Variants in MYO7A observed in about 807,000 individuals in gnomAD.
The protein encoded by MYO7A is unconventional myosin-VIIa.
Under a neutral mutation model 263.8 loss-of-function variants are expected in MYO7A, and 210 were observed. The observed-to-expected ratio is 0.80, with a 90% CI of 0.71 to 0.89. The LOEUF is 0.89. Among genes scored for constraint, MYO7A ranks in the 40% least tolerant of loss-of-function variants. The probability of loss-of-function intolerance (pLI) is 0.00; values close to 1 mark genes in which losing one functional copy is unlikely to be tolerated. For missense variants in MYO7A, 2,820 were observed against 2,968.3 expected, an observed-to-expected ratio of 0.95 and a Z score of 1.16; for synonymous variants, 1,239 against 1,197.3, an observed-to-expected ratio of 1.03 and a Z score of -0.72.
intron 2 of MYO7A, among the ~76,000 whole-genome samples, chr11:77,131,003 C>T (rs1461592978): frequency 6.6e-6 from 1 of 152,196 alleles, no homozygotes; most frequent in Admixed American, 6.5e-5. Flanking sequence ...CAGGAAGGGC[C>T]CTGAGCCCAA....
At chr11:77,177,464 G>A in intron 18 of MYO7A, 85 bp from the exon 19 acceptor site, 2 of 1,096,268 alleles carry the variant, frequency 1.8e-6, no homozygotes, top group South Asian at 2.7e-5. Context: ...TGCTCCCAGT[G>A]AAGGAAGAGC....
At chr11:77,199,881 A>G in intron 35 of MYO7A, 63 bp downstream of exon 35, 1 of 1,432,050 alleles carries the variant, frequency 7.0e-7, no homozygotes, top group Non-Finnish European at 9.4e-7. Context: ...AGACTGTCTT[A>G]GTCCATTTGT....
rs1555085481 is a variant in MYO7A at position 77,182,491 on chromosome 11, C to G, written c.3176C>G (p.Thr1059Arg). 6.2e-7 allele frequency: 1 copy of G among 1,611,252 alleles called. No homozygotes were observed. Among genetic ancestry groups the G allele is most frequent in the Non-Finnish European group, 8.5e-7 (1 of 1,179,864 alleles). Residue 1059 changes from threonine to arginine, a missense_variant, in exon 25 of 49, where the codon ACA becomes AGA. Coordinates refer to ENST00000409709, the MANE Select transcript of MYO7A (RefSeq NM_000260.4). ...GACCTCCCTGAGCCCAAGTACCACA[C>G]AGCCATGAGTGATGGCAGTGAGAAG... ...MGDLPEPKYH[T>R]AMSDGSEKIP... is the part of the protein sequence containing the mutation.
Position 77,179,869 on chromosome 11 carries a change from C to T in MYO7A, c.2502C>T (p.Arg834=). Residue 834 remains arginine, a synonymous_variant, in exon 21 of 49, where the codon CGC becomes CGT. Transcript: ENST00000409709. The stretch of plus-strand genomic sequence containing the variant: ...CCTATCTGGTGCGCAAGGCCTTCCG[C>T]CACCGCCTCTGGGCTGTGCTCACCG... ...CRAYLVRKAF[R]HRLWAVLTVQ... The T allele has an allele frequency of 6.5e-7, 1 of 1,541,284 alleles. No homozygotes were observed. The highest frequency in any genetic ancestry group is 8.7e-7 in the Non-Finnish European group (1 of 1,146,784).
chr11:77,179,896 G>C lies in MYO7A; in HGVS notation c.2529G>C (p.Val843=). 1 of 1,539,296 alleles carries C rather than the reference G, an allele frequency of 6.5e-7. No individual in the cohort carries two copies. Among genetic ancestry groups the C allele is most frequent in the Non-Finnish European group, 8.7e-7 (1 of 1,146,176 alleles). ...FRHRLWAVLT[V]QAYARGMIAR... ...ACCGCCTCTGGGCTGTGCTCACCGT[G>C]CAGGCCTATGCCCGGGGCATGATCG... The change falls in exon 21 of 49, where the codon GTG becomes GTC. Residue 843 remains valine (V), a synonymous_variant. Transcript: ENST00000409709.
chr11:77,157,785 G>A (rs1952635095), intron 8 of MYO7A, among the ~76,000 whole-genome samples: 1 of 152,152 alleles, frequency 6.6e-6, no homozygotes, highest in Admixed American at 6.5e-5. Flanking sequence ...TTCTGTAGCT[G>A]GCTGGCACAC....
At position 77,204,058 on chromosome 11, in the gene MYO7A, T is replaced by G. The variant is rs1263092533; in HGVS notation, c.5327-18T>G. The G allele has an allele frequency of 1.3e-6, 2 of 1,590,584 alleles. No homozygotes were observed. The highest frequency in any genetic ancestry group is 2.3e-5 in the South Asian group (2 of 86,972). On this transcript the variant is annotated intron_variant, in intron 38 of 48. Transcript: ENST00000409709. ...TGCTCCCTCTATTCGGCACAAGCCCTTCCTTGACAGTCCCCAGCTGTGCTC... is the reference window on the plus strand; with the variant it reads ...TGCTCCCTCTATTCGGCACAAGCCCGTCCTTGACAGTCCCCAGCTGTGCTC...
intron 15 of MYO7A, among the ~76,000 whole-genome samples, chr11:77,171,218 T>C (rs1954055665): frequency 2.0e-5 from 3 of 152,212 alleles, no homozygotes; most frequent in Non-Finnish European, 2.9e-5. Context: ...GTGGCGTGTG[T>C]ATGTGCATGC....
chr11:77,132,350 C>A (rs1950789720), intron 2 of MYO7A, among the ~76,000 whole-genome samples: 1 of 151,794 alleles, frequency 6.6e-6, no homozygotes. Context: ...AGGGAAGGAA[C>A]TGGCAGGAAG....
chr11:77,144,337 C>T (rs1301142301), intron 3 of MYO7A, among the ~76,000 whole-genome samples: 1 of 152,160 alleles, frequency 6.6e-6, no homozygotes, highest in Non-Finnish European at 1.5e-5. Flanking sequence ...CTGCCCAGAG[C>T]CCCCAGGGTG....
Position 77,190,745 on chromosome 11 carries a change from G to A in MYO7A, c.3799G>A (p.Gly1267Arg), listed in dbSNP as rs746415490. ...CATGTTGCCCGTGACATTCATGGAT[G>A]GGACCACCAAGACCCTGCTGACGGA... The part of the protein sequence containing the change: ...PIMLPVTFMD[G>R]TTKTLLTDSA... Residue 1267 changes from glycine (G) to arginine (R), a missense_variant, in exon 30 of 49, where the codon GGG becomes AGG. By Grantham distance (125) the Gly-to-Arg change is moderately radical. Coordinates refer to ENST00000409709, the MANE Select transcript of MYO7A (RefSeq NM_000260.4). 6.3e-7 allele frequency: 1 copy of A among 1,599,974 alleles called. No individual in the cohort carries two copies. Among genetic ancestry groups the A allele is most frequent in the East Asian group, 2.3e-5 (1 of 44,276 alleles).
At chr11:77,148,745 T>A (rs1555055540) in intron 4 of MYO7A, among the ~76,000 whole-genome samples, 1 of 152,226 alleles carries the variant, frequency 6.6e-6, no homozygotes, top group Non-Finnish European at 1.5e-5. Context: ...TTTGAAAAAG[T>A]AACCATAATA....
chr11:77,213,687 C>G (rs1958002810), intron 47 of MYO7A, among the ~76,000 whole-genome samples, 173 bp from the exon 48 acceptor site: 1 of 152,198 alleles, frequency 6.6e-6, no homozygotes, highest in South Asian at 2.1e-4. Flanking sequence ...GTGTCCAAAC[C>G]AAGGTGTGGA....
Position 77,192,256 on chromosome 11 carries a change from T to C in MYO7A, c.4130T>C (p.Phe1377Ser), listed in dbSNP as rs777168937. 1.8e-5 allele frequency: 29 copies of C among 1,613,836 alleles called. No homozygotes were observed. The African/African-American group carries it at 3.2e-4, about 18-fold the overall frequency. ...IYQQVVRGVKFGEYRCEKEDD... is the reference protein window; with the variant it reads ...IYQQVVRGVKSGEYRCEKEDD... ...CAGCAGGTGGTGCGAGGAGTCAAGT[T>C]TGGGGAGTACAGGTGTGAGAAGGTG... The change falls in exon 31 of 49, where the codon TTT becomes TCT. Residue 1377 changes from phenylalanine to serine, a missense_variant. Phe to Ser is a radical substitution (Grantham distance 155). Coordinates refer to ENST00000409709, the MANE Select transcript of MYO7A (RefSeq NM_000260.4).
rs1323137607 is a variant in MYO7A at position 77,202,284 on chromosome 11, G to C, written c.5044-16G>C. On this transcript the variant is annotated splice_polypyrimidine_tract_variant and intron_variant, in intron 36 of 48. Transcript: ENST00000409709. ...GGTAGAGAGCTGACCTGAGCCCCCT[G>C]TCTCTTGGTCCCTAGGCCCTGGTCA... 1.3e-6 allele frequency: 2 copies of C among 1,575,134 alleles called. No individual in the cohort carries two copies. Among genetic ancestry groups the C allele is most frequent in the South Asian group, 1.2e-5 (1 of 85,526 alleles).
intron 12 of MYO7A, among the ~76,000 whole-genome samples, chr11:77,161,348 T>C (rs1250487048): frequency 3.9e-5 from 6 of 152,066 alleles, no homozygotes; most frequent in African/African-American, 1.4e-4. Flanking sequence ...TCCTGAACAC[T>C]TGGGGAGGAA....
chr11:77,167,899 GT>G (rs1953705897), intron 15 of MYO7A, among the ~76,000 whole-genome samples: 1 of 152,172 alleles, frequency 6.6e-6, no homozygotes, highest in Admixed American at 6.5e-5. Flanking sequence ...GACCAACACT[GT>G]AGGCTGGCCG....
intron 2 of MYO7A, among the ~76,000 whole-genome samples, chr11:77,140,549 G>A (rs112866525): frequency 1.0e-3 from 153 of 152,296 alleles, no homozygotes; most frequent in African/African-American, 3.3e-3. Context: ...CTCTCTCACC[G>A]AGGCCCGCTC....
At chr11:77,160,049 C>G (rs1952839220) in intron 10 of MYO7A, 114 bp from the exon 11 acceptor site, 1 of 1,440,100 alleles carries the variant, frequency 6.9e-7, no homozygotes. Context: ...GGCAGGCGTG[C>G]TTAGTGGAGG....
Sources: allele counts gnomAD v4.1 joint callset (sites outside exome capture counted in the v4.1 genomes callset), GRCh38; gene constraint gnomAD v4.1.1; transcripts MANE v1.5; gene names NCBI Gene and HGNC (gene_info 2026-07-23, HGNC 2026-07-21).